MYO10: variants seen among roughly 807,000 people sequenced by gnomAD.
The protein encoded by MYO10 is unconventional myosin-X.
Under a neutral mutation model 257.3 loss-of-function variants are expected in MYO10, and 133 were observed. That is an observed-to-expected ratio of 0.52 (90% CI 0.45 to 0.60). The LOEUF is 0.60. MYO10 is among the 20% of genes least tolerant of loss of function. The pLI is 0.00. For synonymous variants in MYO10, 1,104 were observed against 1,028.6 expected (o/e 1.07, Z -1.40); for missense variants, 2,399 against 2,635.7 (o/e 0.91, Z 1.97).
rs74928446 is a variant in MYO10, at chr5:16,859,079, A to G, written c.120+18530T>C. Among the ~76,000 whole-genome samples, 679 of 152,286 alleles carry G rather than the reference A, an allele frequency of 4.5e-3. 9 individuals carry two copies. The highest frequency in any genetic ancestry group is 0.015 in the African/African-American group (640 of 41,574). ...TATCCTGTGTTCTCATCCAGCCCAC[A>G]GTGGGGTCTTTTAAGCCAAGGAGGG... On this transcript the variant is annotated intron_variant, in intron 2 of 40. Transcript: ENST00000513610.
chr5:16,680,566 C>T (rs968980677), intron 32 of MYO10, among the ~76,000 whole-genome samples: 2 of 152,148 alleles, frequency 1.3e-5, no homozygotes, highest in South Asian at 2.1e-4. Flanking sequence ...CGAACCGTCA[C>T]CCAAACCTGA....
intron 4 of MYO10, among the ~76,000 whole-genome samples, chr5:16,792,685 T>C (rs1322569682): frequency 6.6e-6 from 1 of 152,166 alleles, no homozygotes; most frequent in Non-Finnish European, 1.5e-5. Flanking sequence ...ACAGTCATCA[T>C]GGCCACCAGT....
intron 19 of MYO10, among the ~76,000 whole-genome samples, chr5:16,725,835 TG>T (rs1186897264): frequency 1.3e-5 from 2 of 150,400 alleles, no homozygotes; most frequent in Non-Finnish European, 2.9e-5. Context: ...TCACCCATGC[TG>T]GAGTGCAGTG....
intron 2 of MYO10, among the ~76,000 whole-genome samples, chr5:16,858,523 A>C (rs1744027366): frequency 6.6e-6 from 1 of 151,948 alleles, no homozygotes; most frequent in Non-Finnish European, 1.5e-5. Flanking sequence ...CAATATATTG[A>C]GCATTTCTGT....
intron 2 of MYO10, among the ~76,000 whole-genome samples, chr5:16,842,597 A>C (rs1217192482): frequency 6.6e-6 from 1 of 152,200 alleles, no homozygotes; most frequent in Non-Finnish European, 1.5e-5. Flanking sequence ...CCTCGCTCAC[A>C]AAGCTGCTGT....
At chr5:16,916,405 TAAAA>T (rs71596001) in intron 1 of MYO10, 16 of 104,278 alleles carry the variant, frequency 1.5e-4, no homozygotes, top group South Asian at 6.8e-4. Flanking sequence ...AGCCATGAAG[TAAAA>T]AAAAAAAAAA....
At chr5:16,748,568 A>C (rs1740283535) in intron 19 of MYO10, among the ~76,000 whole-genome samples, 1 of 145,372 alleles carries the variant, frequency 6.9e-6, no homozygotes, top group Non-Finnish European at 1.5e-5. Context: ...GTCTGAAATA[A>C]AGAAAGGAAA....
At chr5:16,904,856 G>A (rs1745479119) in intron 1 of MYO10, among the ~76,000 whole-genome samples, 2 of 151,182 alleles carry the variant, frequency 1.3e-5, no homozygotes, top group South Asian at 4.2e-4. Flanking sequence ...GTGAACCCAG[G>A]AGGCGGAGCT....
chr5:16,684,034 A>T (rs26315), intron 29 of MYO10, 99 bp from the exon 30 acceptor site: 204,617 of 1,107,528 alleles, frequency 0.18, 20,380 homozygotes, highest in East Asian at 0.28. Context: ...CAGACAGAAA[A>T]GGCTCTTTTC....
chr5:16,761,023 T>G (rs1740696528), intron 17 of MYO10, among the ~76,000 whole-genome samples: 1 of 152,078 alleles, frequency 6.6e-6, no homozygotes, highest in African/African-American at 2.4e-5. Context: ...AGAGTTTCAC[T>G]CTTGTCACCC....
intron 17 of MYO10, among the ~76,000 whole-genome samples, chr5:16,760,741 C>T (rs1351429914): frequency 6.6e-6 from 1 of 152,140 alleles, no homozygotes; most frequent in South Asian, 2.1e-4. Context: ...GCAGACCACA[C>T]TGCTTAAGAT....
chr5:16,867,035 TG>T (rs1461183597), intron 2 of MYO10, among the ~76,000 whole-genome samples: 1 of 152,236 alleles, frequency 6.6e-6, no homozygotes, highest in Non-Finnish European at 1.5e-5. Flanking sequence ...CAGTGAGCAG[TG>T]GGACCGTGCT....
At chr5:16,732,398 T>G (rs545441034) in intron 19 of MYO10, among the ~76,000 whole-genome samples, 1 of 152,340 alleles carries the variant, frequency 6.6e-6, no homozygotes, top group Non-Finnish European at 1.5e-5. Flanking sequence ...GTTGCCCTTT[T>G]ATCTAGTGAA....
chr5:16,685,058 TAAG>T (rs1043216558), intron 29 of MYO10, among the ~76,000 whole-genome samples: 2 of 151,508 alleles, frequency 1.3e-5, no homozygotes, highest in Admixed American at 6.6e-5. Context: ...AAAAAAAAAA[TAAG>T]AATACAATTT....
intron 19 of MYO10, among the ~76,000 whole-genome samples, chr5:16,734,650 C>T (rs992420379): frequency 9.2e-5 from 14 of 151,986 alleles, no homozygotes; most frequent in Non-Finnish European, 1.5e-5. Context: ...ACTAAAAATA[C>T]AAAAATTAGC....
chr5:16,691,351 T>TA (rs1737493282), intron 27 of MYO10, among the ~76,000 whole-genome samples: 1 of 148,272 alleles, frequency 6.7e-6, no homozygotes, highest in Non-Finnish European at 1.5e-5. Flanking sequence ...GGTTAGAAAA[T>TA]AAGTATTATC....
chr5:16,874,359 G>GGGGGGGGT (rs1561031407), intron 2 of MYO10, among the ~76,000 whole-genome samples: 2 of 28,500 alleles, frequency 7.0e-5, no homozygotes, highest in Non-Finnish European at 1.4e-4. Flanking sequence ...GGGGGGGGGG[G>GGGGGGGGT]TTTCTTTTCT....
At position 16,702,996 on chromosome 5, in the gene MYO10, T is replaced by C; in HGVS notation, c.2439A>G (p.Ala813=). Reference sequence around the variant, plus strand: ...TCTTTTCTTCTTGCTCCCTTTTCTCTGCCAGCAATTGTCTGTAAACTCTCC... The same window carrying C: ...TCTTTTCTTCTTGCTCCCTTTTCTCCGCCAGCAATTGTCTGTAAACTCTCC... ...IARRVYRQLL[A]EKREQEEKKK... The change falls in exon 23 of 41, where the codon GCA becomes GCG. Residue 813 remains alanine (A), a synonymous_variant. Transcript: ENST00000513610. 6.4e-7 allele frequency: 1 copy of C among 1,552,322 alleles called. No homozygotes were observed. Among genetic ancestry groups the C allele is most frequent in the Non-Finnish European group, 8.7e-7 (1 of 1,147,140 alleles).
chr5:16,823,467 G>GTTTTTTTTT (rs1561003861), intron 2 of MYO10, among the ~76,000 whole-genome samples: 3 of 3,976 alleles, frequency 7.5e-4, no homozygotes, highest in Non-Finnish European at 1.7e-3. Context: ...GGGGAGTGGG[G>GTTTTTTTTT]ATTTTTTTTT....
Sources: allele counts gnomAD v4.1 joint callset (sites outside exome capture counted in the v4.1 genomes callset), GRCh38; gene constraint gnomAD v4.1.1; transcripts MANE v1.5; gene names NCBI Gene and HGNC (gene_info 2026-07-23, HGNC 2026-07-21).